Variants in RRAGB observed in about 807,000 individuals in gnomAD.
The protein encoded by RRAGB is Ras related GTP binding B, also known as ras-related GTP-binding protein B.
In RRAGB, 6 loss-of-function variants were observed where a neutral mutation model predicts 29.3. The ratio of observed to expected loss-of-function variants is 0.21; its 90% CI spans 0.11 to 0.40. The LOEUF is 0.40. Ranked by LOEUF, RRAGB falls within the 10% of genes least tolerant of loss-of-function variation. The pLI, the probability that RRAGB is intolerant of heterozygous loss-of-function variation, is 1.00. For missense variants in RRAGB, 184 were observed against 272.9 expected (o/e 0.67, Z 2.29); for synonymous variants, 101 against 92.5 (o/e 1.09, Z -0.53).
At position 55,758,587 on chromosome X, in the gene RRAGB, T is replaced by A; in HGVS notation, c.*244T>A. 1 of 258,871 alleles carries A rather than the reference T, an allele frequency of 3.9e-6. No homozygotes were observed. The highest frequency in any genetic ancestry group is 6.9e-6 in the Non-Finnish European group (1 of 145,018). The allele number at this position is 258,871 out of a possible 1,213,427, so 21.3% of individuals were successfully genotyped here. Reference sequence around the variant, plus strand: ...TATGTAAGTTTTCTGATAACAAGGTTCTAATAGTGTTTAAATGTACTGGTA... The same window carrying A: ...TATGTAAGTTTTCTGATAACAAGGTACTAATAGTGTTTAAATGTACTGGTA... On this transcript the variant is annotated 3_prime_UTR_variant, in exon 10 of 10. Coordinates refer to ENST00000374941, the MANE Select transcript of RRAGB (RefSeq NM_006064.5).
intron 5 of RRAGB, among the ~76,000 whole-genome samples, chrX:55,749,368 G>A (rs1425947560): frequency 1.0e-5 from 1 of 98,043 alleles, no homozygotes; most frequent in African/African-American, 3.7e-5. Context: ...GAGGTGGGGG[G>A]GTCAGCCCCC....
intron 5 of RRAGB, among the ~76,000 whole-genome samples, chrX:55,732,719 C>T (rs566731298): frequency 3.6e-5 from 4 of 111,653 alleles, no homozygotes; most frequent in African/African-American, 1.3e-4. Context: ...GTATTAATTA[C>T]TGTTTAATAC....
In RRAGB at chrX:55,749,220, C is replaced by T. The variant is rs1190705503; in HGVS notation, c.517-1881C>T. 7.7e-4 allele frequency among the ~76,000 whole-genome samples: 70 copies of T among 90,797 alleles called. 1 individual carries two copies. The highest frequency in any genetic ancestry group is 8.8e-3 in the Middle Eastern group (1 of 114). 78.8% of individuals were successfully genotyped at this position (90,797 alleles called of 115,157 possible). Reference sequence around the variant, plus strand: ...CAGCCCCCCGCCTGGCCAGCCGCCCCGTCCGGGAGGTGAGGGGCGCCTCTG... The same window carrying T: ...CAGCCCCCCGCCTGGCCAGCCGCCCTGTCCGGGAGGTGAGGGGCGCCTCTG... On this transcript the variant is annotated intron_variant, in intron 5 of 9. Transcript: ENST00000374941.
Position 55,718,316 on chromosome X carries a change from A to T in RRAGB, c.-12A>T. ...GAAGATTTAGAAGGGACTGGAAAGG[A>T]CTTGTTGCGCAATGGAAGAATCTGA... On this transcript the variant is annotated 5_prime_UTR_variant, in exon 1 of 10. Coordinates refer to ENST00000374941, the MANE Select transcript of RRAGB (RefSeq NM_006064.5). 25 of 1,184,681 alleles carry T rather than the reference A, an allele frequency of 2.1e-5. No homozygotes were observed. Among genetic ancestry groups the T allele is most frequent in the Non-Finnish European group, 2.9e-5 (25 of 875,020 alleles).
At chrX:55,722,002 T>G (rs991205120) in intron 2 of RRAGB, among the ~76,000 whole-genome samples, 184 bp from the exon 3 acceptor site, 2 of 112,680 alleles carry the variant, frequency 1.8e-5, no homozygotes, top group Non-Finnish European at 3.8e-5. Context: ...CTCCTGGAAT[T>G]CTAAGTATCT....
intron 7 of RRAGB, chrX:55,755,535 GC>G: frequency 2.7e-6 from 2 of 739,241 alleles, no homozygotes; most frequent in Non-Finnish European, 1.6e-6. Context: ...AGACCATCAT[GC>G]GAAATATTGA....
intron 2 of RRAGB, among the ~76,000 whole-genome samples, chrX:55,721,302 A>G (rs2033270191): frequency 8.9e-6 from 1 of 112,181 alleles, no homozygotes; most frequent in African/African-American, 3.2e-5. Context: ...TAGTCTTTGC[A>G]ATGAAATAAC....
chrX:55,741,278 C>T (rs1289643767), intron 5 of RRAGB, among the ~76,000 whole-genome samples: 1 of 111,361 alleles, frequency 9.0e-6, no homozygotes, highest in East Asian at 2.8e-4. Flanking sequence ...AACACCACTG[C>T]ACCATACGTT....
At chrX:55,743,507 C>G (rs2034148781) in intron 5 of RRAGB, among the ~76,000 whole-genome samples, 1 of 112,463 alleles carries the variant, frequency 8.9e-6, no homozygotes, top group Non-Finnish European at 1.9e-5. Flanking sequence ...ATATAACAAC[C>G]CTGCCACCAT....
chrX:55,727,284 C>T, intron 3 of RRAGB: 1 of 1,164,883 alleles, frequency 8.6e-7, no homozygotes, highest in Non-Finnish European at 1.2e-6. Context: ...TTCTCAGTAG[C>T]ACTTCTTTCC....
At chrX:55,750,547 A>C (rs906742364) in intron 5 of RRAGB, among the ~76,000 whole-genome samples, 35 of 111,325 alleles carry the variant, frequency 3.1e-4, no homozygotes, top group African/African-American at 1.1e-3. Context: ...CAACATACAG[A>C]TTGGTGTTTA....
chrX:55,755,190 C>G, intron 7 of RRAGB: 6 of 753,420 alleles, frequency 8.0e-6, no homozygotes, highest in Non-Finnish European at 9.4e-6. Context: ...TGGAATTTCC[C>G]TGTGAGTTTT....
Position 55,753,480 on chromosome X carries a change from A to G in RRAGB, c.701A>G (p.Asp234Gly). The G allele has an allele frequency of 8.3e-7, 1 of 1,200,009 alleles. No homozygotes were observed. The highest frequency in any genetic ancestry group is 1.1e-6 in the Non-Finnish European group (1 of 886,626). Residue 234 changes from aspartate (D) to glycine (G), a missense_variant, in exon 7 of 10, where the codon GAT becomes GGT. Asp to Gly is a moderately conservative substitution (Grantham distance 94). Coordinates refer to ENST00000374941, the MANE Select transcript of RRAGB (RefSeq NM_006064.5). ...LRNFAEIIEA[D>G]EVLLFERATF... ...AATTTTGCTGAAATTATCGAAGCTG[A>G]TGAAGTACTTCTTTTTGAGAGAGCT...
chrX:55,752,722 A>T (rs948370072), intron 6 of RRAGB, among the ~76,000 whole-genome samples: 4 of 111,716 alleles, frequency 3.6e-5, no homozygotes, highest in Non-Finnish European at 7.5e-5. Flanking sequence ...AAAAGAGCCT[A>T]CAAGAATAGA....
chrX:55,745,777 C>T (rs2034224165), intron 5 of RRAGB, among the ~76,000 whole-genome samples: 1 of 112,372 alleles, frequency 8.9e-6, no homozygotes, highest in African/African-American at 3.2e-5. Context: ...ATGAGGGATT[C>T]TGCCAGTTGT....
chrX:55,748,967 T>C (rs1602068331), intron 5 of RRAGB, among the ~76,000 whole-genome samples: 1 of 51,832 alleles, frequency 1.9e-5, no homozygotes, highest in Admixed American at 2.6e-4. Context: ...GGTGGGGGAG[T>C]CAGCCCCCCC....
intron 3 of RRAGB, among the ~76,000 whole-genome samples, chrX:55,723,084 T>A (rs2033344817): frequency 8.9e-6 from 1 of 111,752 alleles, no homozygotes; most frequent in Admixed American, 9.5e-5. Flanking sequence ...TCTGTTATTA[T>A]CGTGCTTGGA....
At chrX:55,747,846 C>CCCACGGTCTCCCTCTCCCTCTTT (rs1268164921) in intron 5 of RRAGB, among the ~76,000 whole-genome samples, 2 of 104,354 alleles carry the variant, frequency 1.9e-5, no homozygotes, top group African/African-American at 3.4e-5. Flanking sequence ...TCTCCCTCTC[C>CCCACGGTCTCCCTCTCCCTCTTT]CCACGGTCTC....
Position 55,722,234 on chromosome X carries a change from A to G in RRAGB, c.175A>G (p.Ile59Val). ...SGSGKTSMRS[I>V]IFANYIARDT... is the part of the protein sequence containing the mutation. ...GTCTGGTAAGACCAGCATGAGGTCT[A>G]TTATCTTTGCAAATTATATTGCCAG... The change falls in exon 3 of 10, where the codon ATT becomes GTT. Residue 59 changes from isoleucine (I) to valine (V), a missense_variant. Transcript: ENST00000374941. The G allele has an allele frequency of 4.2e-6, 5 of 1,198,443 alleles. No individual in the cohort carries two copies. Among genetic ancestry groups the G allele is most frequent in the South Asian group, 1.8e-5 (1 of 55,863 alleles).
Sources: gnomAD v4.1 joint callset for allele counts (sites outside exome capture counted in the v4.1 genomes callset) on GRCh38, gnomAD v4.1.1 for gene constraint, MANE v1.5 for transcripts, NCBI Gene and HGNC (gene_info 2026-07-23, HGNC 2026-07-21) for gene names.